Variants in MAPK15 observed in about 807,000 individuals in gnomAD.
The protein encoded by MAPK15 is ERK-7.
MAPK15 carries 61 observed loss-of-function variants against 60.8 expected under a neutral mutation model. The ratio of observed to expected loss-of-function variants is 1.00; its 90% CI spans 0.82 to 1.24. The LOEUF (loss-of-function observed/expected upper bound fraction) is 1.24. MAPK15 is among the 50% of genes most tolerant of loss of function. MAPK15 has a pLI of 0.00. For missense variants in MAPK15, 808 were observed against 741.1 expected (o/e 1.09, Z -1.05); for synonymous variants, 356 against 319.9 (o/e 1.11, Z -1.21).
rs1327021050 is a variant in MAPK15, at chr8:143,720,964, C to CCG, written c.918-34_918-33dup. On this transcript the variant is annotated intron_variant, in intron 9 of 13. Transcript: ENST00000338033. The surrounding 1 kb of genome is among the most constrained non-coding windows in gnomAD (Gnocchi z 4.6). Reference sequence around the variant, plus strand: ...GTGACGGCTTGAGGGGCTCCCTTGGCCGCAGCCCGGGCCCCACCTCCCTGG... The same window carrying CCG: ...GTGACGGCTTGAGGGGCTCCCTTGGCCGCGCAGCCCGGGCCCCACCTCCCTGG... 5 of 1,585,714 alleles carry CCG rather than the reference C, an allele frequency of 3.2e-6. No homozygotes were observed. In the African/African-American group the frequency reaches 5.4e-5, roughly 17 times the overall value.
rs1554619004 is a variant in MAPK15 at position 143,718,762 on chromosome 8, A to G, written c.287-13A>G. On this transcript the variant is annotated splice_polypyrimidine_tract_variant and intron_variant, in intron 4 of 13. Transcript: ENST00000338033. ...CCCCCCACCCCCGACTGCAGTGCGCACCCTCTCTGCAGACACTGACCTGAA... is the reference window on the plus strand; with the variant it reads ...CCCCCCACCCCCGACTGCAGTGCGCGCCCTCTCTGCAGACACTGACCTGAA... 1 of 980,924 alleles carries G rather than the reference A, an allele frequency of 1.0e-6. No homozygotes were observed. Among genetic ancestry groups the G allele is most frequent in the Admixed American group, 2.7e-5 (1 of 37,378 alleles). The allele number at this position is 980,924 out of a possible 1,614,324, so 60.8% of individuals were successfully genotyped here. A position where few individuals can be genotyped will look rare whatever the true frequency, so the allele number is the denominator to read the frequency against.
At chr8:143,718,519 G>GCTCTGAC in intron 4 of MAPK15, 1 of 628,180 alleles carries the variant, frequency 1.6e-6, no homozygotes, top group South Asian at 1.9e-5. Flanking sequence ...CCAGGCTCCT[G>GCTCTGAC]CTCTGACCAC....
Position 143,718,884 on chromosome 8 carries a change from C to T in MAPK15, c.396C>T (p.His132=), listed in dbSNP as rs781085667. ...CCACCCGGTTCCTCCACTCGGGGCACGTTGTGCACCGGGACCAGAAGGTGC... is the reference window on the plus strand; with the variant it reads ...CCACCCGGTTCCTCCACTCGGGGCATGTTGTGCACCGGGACCAGAAGGTGC... ...LRATRFLHSG[H]VVHRDQKPSN... The change falls in exon 5 of 14, where the codon CAC becomes CAT. Residue 132 remains histidine (H), a synonymous_variant. Coordinates refer to ENST00000338033, the MANE Select transcript of MAPK15 (RefSeq NM_139021.3). 9.3e-6 allele frequency: 15 copies of T among 1,608,556 alleles called. No homozygotes were observed. The highest frequency in any genetic ancestry group is 3.4e-5 in the Admixed American group (2 of 59,580).
At chr8:143,718,698 A>G in intron 4 of MAPK15, 77 bp from the exon 5 acceptor site, 1 of 1,292,114 alleles carries the variant, frequency 7.7e-7, no homozygotes, top group East Asian at 2.5e-5. Context: ...CAGACCTGCC[A>G]GGTGCCCCTC....
Position 143,716,386 on chromosome 8 carries a change from C to A in MAPK15, c.9C>A (p.Thr3=). The change falls in exon 1 of 14, where the codon ACC becomes ACA. Residue 3 remains threonine, a synonymous_variant. Transcript: ENST00000338033. ...CGGGCGTCCTGGCCGCCATGTGCAC[C>A]GTAGTGGACCCTCGCATTGTCCGGA... is the stretch of plus-strand genomic sequence containing the variant. MC[T]VVDPRIVRRY... is the part of the protein sequence containing the mutation. 1 of 1,599,888 alleles carries A rather than the reference C, an allele frequency of 6.3e-7. No homozygotes were observed. Among genetic ancestry groups the A allele is most frequent in the Non-Finnish European group, 8.5e-7 (1 of 1,174,788 alleles).
Position 143,721,211 on chromosome 8 carries a change from G to C in MAPK15, c.1024-20G>C. 6.2e-7 allele frequency: 1 copy of C among 1,601,122 alleles called. No individual in the cohort carries two copies. The highest frequency in any genetic ancestry group is 8.5e-7 in the Non-Finnish European group (1 of 1,173,232). The stretch of plus-strand genomic sequence containing the variant: ...CCCATGCCCAGGCTGTGACCTCTGA[G>C]CACCCTTCCCCTCCCGCAGATGATC... On this transcript the variant is annotated intron_variant, in intron 10 of 13. Coordinates refer to ENST00000338033, the MANE Select transcript of MAPK15 (RefSeq NM_139021.3).
In MAPK15 at chr8:143,716,390, G is replaced by A. The variant is rs1817809105; in HGVS notation, c.13G>A (p.Val5Met). Reference sequence around the variant, plus strand: ...CGTCCTGGCCGCCATGTGCACCGTAGTGGACCCTCGCATTGTCCGGAGATA... The same window carrying A: ...CGTCCTGGCCGCCATGTGCACCGTAATGGACCCTCGCATTGTCCGGAGATA... MCTV[V>M]DPRIVRRYLL... The change falls in exon 1 of 14, where the codon GTG becomes ATG. Residue 5 changes from valine (V) to methionine (M), a missense_variant. Transcript: ENST00000338033. 2.5e-6 allele frequency: 4 copies of A among 1,605,496 alleles called. No homozygotes were observed.
At position 143,718,862 on chromosome 8, in the gene MAPK15, C is replaced by T. The variant is rs1554619045; in HGVS notation, c.374C>T (p.Thr125Ile). ...RSIFYQLLRA[T>I]RFLHSGHVVH... Reference sequence around the variant, plus strand: ...ATCTTCTACCAGCTCCTGCGGGCCACCCGGTTCCTCCACTCGGGGCACGTT... The same window carrying T: ...ATCTTCTACCAGCTCCTGCGGGCCATCCGGTTCCTCCACTCGGGGCACGTT... Residue 125 changes from threonine (T) to isoleucine (I), a missense_variant, in exon 5 of 14, where the codon ACC becomes ATC. Transcript: ENST00000338033. 1.9e-6 allele frequency: 3 copies of T among 1,611,840 alleles called. No individual in the cohort carries two copies. The highest frequency in any genetic ancestry group is 1.7e-5 in the Admixed American group (1 of 59,898).
In MAPK15 at chr8:143,716,363, G is replaced by T. The variant is rs1554618325; in HGVS notation, c.-15G>T. ...ACCGACTCAACAGTAAGGCCCCGCG[G>T]GCGTCCTGGCCGCCATGTGCACCGT... On this transcript the variant is annotated 5_prime_UTR_variant, in exon 1 of 14. Coordinates refer to ENST00000338033, the MANE Select transcript of MAPK15 (RefSeq NM_139021.3). 3 of 1,589,658 alleles carry T rather than the reference G, an allele frequency of 1.9e-6. No homozygotes were observed. The highest frequency in any genetic ancestry group is 1.7e-6 in the Non-Finnish European group (2 of 1,171,158).
Position 143,720,983 on chromosome 8 carries a change from T to C in MAPK15, c.918-17T>C. On this transcript the variant is annotated splice_polypyrimidine_tract_variant and intron_variant, in intron 9 of 13. Coordinates refer to ENST00000338033, the MANE Select transcript of MAPK15 (RefSeq NM_139021.3). The surrounding 1 kb of genome is among the most constrained non-coding windows in gnomAD (Gnocchi z 4.6). Reference sequence around the variant, plus strand: ...CCTTGGCCGCAGCCCGGGCCCCACCTCCCTGGCTCCCTGCAGGTTCCACTG... The same window carrying C: ...CCTTGGCCGCAGCCCGGGCCCCACCCCCCTGGCTCCCTGCAGGTTCCACTG... 1 of 1,601,242 alleles carries C rather than the reference T, an allele frequency of 6.2e-7. No homozygotes were observed.
At position 143,720,539 on chromosome 8, in the gene MAPK15, A is replaced by C. The variant is rs1818006168; in HGVS notation, c.780-164A>C. On this transcript the variant is annotated intron_variant, in intron 8 of 13. Coordinates refer to ENST00000338033, the MANE Select transcript of MAPK15 (RefSeq NM_139021.3). The surrounding 1 kb of genome is among the most constrained non-coding windows in gnomAD (Gnocchi z 4.6). ...ACCAGGGGGCCGCAGGGGTCTCTCC[A>C]CCCTGCAGGGGCCCAGACTGCCTGC... is the stretch of plus-strand genomic sequence containing the variant. 8 of 1,459,532 alleles carry C rather than the reference A, an allele frequency of 5.5e-6. No individual in the cohort carries two copies. Among genetic ancestry groups the C allele is most frequent in the Non-Finnish European group, 7.3e-6 (8 of 1,102,586 alleles). The allele number at this position is 1,459,532 out of a possible 1,614,324, so 90.4% of individuals were successfully genotyped here. A position where few individuals can be genotyped will look rare whatever the true frequency, so the allele number is the denominator to read the frequency against.
At position 143,717,825 on chromosome 8, in the gene MAPK15, G is replaced by A. The variant is rs1275646969; in HGVS notation, c.165+33G>A. The stretch of plus-strand genomic sequence containing the variant: ...TGTGGGGAGAAGCGTGGGAGAGGAT[G>A]GGGGCAGGGAGGGGCAGCCCCTTGC... On this transcript the variant is annotated intron_variant, in intron 2 of 13. Transcript: ENST00000338033. 3.2e-6 allele frequency: 5 copies of A among 1,582,028 alleles called. No homozygotes were observed. The South Asian group carries it at 4.5e-5, about 14-fold the overall frequency.
In MAPK15 at chr8:143,720,678, G is replaced by A. The variant is rs782387050; in HGVS notation, c.780-25G>A. On this transcript the variant is annotated intron_variant, in intron 8 of 13. Coordinates refer to ENST00000338033, the MANE Select transcript of MAPK15 (RefSeq NM_139021.3). This position sits in a 1 kb window ranked among gnomAD's most constrained non-coding sequence, Gnocchi z 4.6. ...AGGAGGGGCCCTTGGGTCGGGCCCT[G>A]GAGACGACACACGGCAGCCCACAGG... 1.2e-6 allele frequency: 2 copies of A among 1,601,584 alleles called. No individual in the cohort carries two copies. Among genetic ancestry groups the A allele is most frequent in the Non-Finnish European group, 1.7e-6 (2 of 1,174,656 alleles).
In MAPK15 at chr8:143,722,149, G is replaced by A. The variant is rs1360782487; in HGVS notation, c.1533G>A (p.Gln511=). ...MFSTSALQGA[Q]GGARALLGGY... ...GCACCTCTGCCTTGCAGGGTGCCCA[G>A]GGGGGTGCCAGGGCTTTGCTTGGAG... The change falls in exon 14 of 14, where the codon CAG becomes CAA. Residue 511 remains glutamine, a synonymous_variant. Transcript: ENST00000338033. 1.4e-5 allele frequency: 23 copies of A among 1,611,136 alleles called. No homozygotes were observed. Among genetic ancestry groups the A allele is most frequent in the Non-Finnish European group, 1.9e-5 (22 of 1,179,238 alleles).
chr8:143,719,589 G>A (rs1194350524), intron 7 of MAPK15, 107 bp downstream of exon 7: 1 of 1,398,202 alleles, frequency 7.2e-7, no homozygotes, highest in Non-Finnish European at 9.5e-7. Context: ...AGGAGGGACG[G>A]GGACAGGGAG....
Position 143,720,807 on chromosome 8 carries a change from C to G in MAPK15, c.884C>G (p.Ala295Gly). 2 of 1,613,458 alleles carry G rather than the reference C, an allele frequency of 1.2e-6. No homozygotes were observed. Among genetic ancestry groups the G allele is most frequent in the Non-Finnish European group, 1.7e-6 (2 of 1,179,884 alleles). The change falls in exon 9 of 14, where the codon GCG (alanine) becomes GGG (glycine). Residue 295 changes from alanine to glycine, a missense_variant. By Grantham distance (60) the Ala-to-Gly change is moderately conservative. Transcript: ENST00000338033. The surrounding 1 kb of genome is among the most constrained non-coding windows in gnomAD (Gnocchi z 4.6). ...TTCGCCCCGGACAAGCGGTTAAGCGCGACCCAGGCACTGCAGCACCCCTAC... is the reference window on the plus strand; with the variant it reads ...TTCGCCCCGGACAAGCGGTTAAGCGGGACCCAGGCACTGCAGCACCCCTAC... Reference protein sequence around the residue: ...LVFAPDKRLSATQALQHPYVQ... With the variant: ...LVFAPDKRLSGTQALQHPYVQ...
rs368298584 is a variant in MAPK15, at chr8:143,721,033, G to A, written c.951G>A (p.Glu317=). ...GCCCCAGCGACGAGTGGGCACGAGA[G>A]GCAGATGTGCGGCCCCGGGCACACG... ...FHCPSDEWAR[E]ADVRPRAHEG... is the part of the protein sequence containing the mutation. The change falls in exon 10 of 14, where the codon GAG becomes GAA. Residue 317 remains glutamate, a synonymous_variant. Coordinates refer to ENST00000338033, the MANE Select transcript of MAPK15 (RefSeq NM_139021.3). The A allele has an allele frequency of 4.4e-5, 71 of 1,611,784 alleles. No individual in the cohort carries two copies. The highest frequency in any genetic ancestry group is 5.9e-5 in the Non-Finnish European group (70 of 1,179,536).
At position 143,721,088 on chromosome 8, in the gene MAPK15, C is replaced by G; in HGVS notation, c.1006C>G (p.Arg336Gly). Residue 336 changes from arginine (R) to glycine (G), a missense_variant, in exon 10 of 14, where the codon CGC (arginine) becomes GGC (glycine). Transcript: ENST00000338033. ...EGVQLSVPEYRSRVYQMILEC... is the reference protein window; with the variant it reads ...EGVQLSVPEYGSRVYQMILEC... ...GGTCCAGCTCTCTGTGCCTGAGTAC[C>G]GCAGCCGCGTCTATCAGGTGCTCCG... 3.1e-6 allele frequency: 5 copies of G among 1,611,090 alleles called. No individual in the cohort carries two copies. The highest frequency in any genetic ancestry group is 4.2e-6 in the Non-Finnish European group (5 of 1,178,980).
At chr8:143,718,171 G>A (rs782328178) in intron 3 of MAPK15, 41 bp from the exon 4 acceptor site, 2 of 1,612,830 alleles carry the variant, frequency 1.2e-6, no homozygotes, top group South Asian at 1.1e-5. Context: ...CCAGAGCACA[G>A]CCCCTCCTGG....
Sources: allele counts gnomAD v4.1 joint callset, GRCh38; gene constraint gnomAD v4.1.1; non-coding constraint Gnocchi (gnomAD v3.1); transcripts MANE v1.5; gene names NCBI Gene and HGNC (gene_info 2026-07-23, HGNC 2026-07-21).